Variants in MBD5 observed in about 807,000 individuals in gnomAD.
MBD5 encodes the protein methyl-CpG-binding domain protein 5.
MBD5 carries 13 observed loss-of-function variants against 117.3 expected under a neutral mutation model. The observed-to-expected ratio is 0.11, with a 90% CI of 0.07 to 0.18. MBD5 has a LOEUF of 0.18. MBD5 is among the 10% of genes least tolerant of loss of function. MBD5 has a pLI of 1.00. For synonymous variants in MBD5, 727 were observed against 766.4 expected, an observed-to-expected ratio of 0.95 and a Z score of 0.85; for missense variants, 1,879 against 2,093.8, an observed-to-expected ratio of 0.90 and a Z score of 2.00.
chr2:148,196,255 C>T (rs1698985108), intron 2 of MBD5: 1 of 151,942 alleles, frequency 6.6e-6, no homozygotes, highest in Non-Finnish European at 1.5e-5. Flanking sequence ...TGTAATAGTT[C>T]CATTTCTCAT....
intron 3 of MBD5, among the ~76,000 whole-genome samples, chr2:148,304,250 T>C (rs1701839200): frequency 6.6e-6 from 1 of 152,160 alleles, no homozygotes; most frequent in Admixed American, 6.5e-5. Context: ...TCTAATTAAA[T>C]AGGTAATATT....
chr2:148,188,679 T>C (rs1429724653), intron 2 of MBD5, among the ~76,000 whole-genome samples: 1 of 38,364 alleles, frequency 2.6e-5, no homozygotes. Context: ...TGAGACCCTG[T>C]CTCAAAAAAA....
chr2:148,243,243 A>G (rs1700257145), intron 3 of MBD5, among the ~76,000 whole-genome samples: 1 of 152,046 alleles, frequency 6.6e-6, no homozygotes, highest in Non-Finnish European at 1.5e-5. Context: ...TCAGGACGTG[A>G]TTTCTTTTTT....
chr2:148,239,884 A>C (rs1334114539), intron 3 of MBD5, among the ~76,000 whole-genome samples: 21 of 152,140 alleles, frequency 1.4e-4, no homozygotes, highest in Non-Finnish European at 1.5e-5. Flanking sequence ...TTTTTGTAGA[A>C]ACGGGGTCTT....
At chr2:148,420,289 A>T (rs965770366) in intron 4 of MBD5, among the ~76,000 whole-genome samples, 5 of 152,086 alleles carry the variant, frequency 3.3e-5, no homozygotes, top group Non-Finnish European at 7.4e-5. Flanking sequence ...ACTTCATGTA[A>T]ATCTTTATTA....
At chr2:148,071,415 A>G (rs1186996924) in intron 1 of MBD5, 1 of 152,002 alleles carries the variant, frequency 6.6e-6, no homozygotes, top group East Asian at 1.9e-4. Flanking sequence ...AAGTCACTTT[A>G]TATTCTCATT....
chr2:148,410,172 C>CTACT (rs1464250904), intron 4 of MBD5, among the ~76,000 whole-genome samples: 1 of 152,156 alleles, frequency 6.6e-6, no homozygotes, highest in African/African-American at 2.4e-5. Flanking sequence ...GTTTATAACA[C>CTACT]TACTTTTCCA....
At chr2:148,116,859 A>G (rs1696652405) in intron 1 of MBD5, among the ~76,000 whole-genome samples, 1 of 152,198 alleles carries the variant, frequency 6.6e-6, no homozygotes. Context: ...GCCCTTCTGC[A>G]GCACATAGGT....
chr2:148,064,350 C>T lies in MBD5; in HGVS notation c.-925+42666C>T, dbSNP rs554965721. Among the ~76,000 whole-genome samples, 4 of 151,970 alleles carry T rather than the reference C, an allele frequency of 2.6e-5. No individual in the cohort carries two copies. The East Asian group carries it at 7.8e-4, about 30-fold the overall frequency. On this transcript the variant is annotated intron_variant, in intron 1 of 13. Transcript: ENST00000642680. ...CAGGATGGTCTCGATCTCCTGACCT[C>T]GTGATCCCCTCGCCTCGGCCTCCCA...
rs564624970 is a variant in MBD5, at chr2:148,416,603, G to C, written c.-556-41600G>C. Among the ~76,000 whole-genome samples the C allele has an allele frequency of 4.6e-5, 7 of 152,130 alleles. No individual in the cohort carries two copies. In the South Asian group the frequency reaches 1.5e-3, roughly 32 times the overall value. On this transcript the variant is annotated intron_variant, in intron 4 of 13. Transcript: ENST00000642680. Reference sequence around the variant, plus strand: ...TTTTGTATTAGGACATTTGCTTTTCGGTTTTTTATATATTTAATTTTTTTT... The same window carrying C: ...TTTTGTATTAGGACATTTGCTTTTCCGTTTTTTATATATTTAATTTTTTTT...
intron 1 of MBD5, among the ~76,000 whole-genome samples, chr2:148,047,433 A>G (rs977159460): frequency 6.6e-6 from 1 of 152,210 alleles, no homozygotes; most frequent in Non-Finnish European, 1.5e-5. Context: ...ATCATGGGCA[A>G]TGGCAATTCT....
intron 1 of MBD5, among the ~76,000 whole-genome samples, chr2:148,156,865 A>C (rs1697889016): frequency 6.6e-6 from 1 of 152,194 alleles, no homozygotes; most frequent in African/African-American, 2.4e-5. Context: ...ATGATAGCCA[A>C]CCTTATTATA....
chr2:148,464,345 CTTT>C (rs1466027046), intron 7 of MBD5, among the ~76,000 whole-genome samples: 1 of 151,996 alleles, frequency 6.6e-6, no homozygotes, highest in Non-Finnish European at 1.5e-5. Flanking sequence ...TTGCTGAAAA[CTTT>C]TTATATCTCC....
intron 4 of MBD5, among the ~76,000 whole-genome samples, chr2:148,453,320 G>A (rs1706783440): frequency 6.6e-6 from 1 of 152,006 alleles, no homozygotes; most frequent in African/African-American, 2.4e-5. Context: ...TCCACCAAAA[G>A]CCATTTCCAG....
chr2:148,089,664 T>C (rs1457311557), intron 1 of MBD5, among the ~76,000 whole-genome samples: 3 of 152,016 alleles, frequency 2.0e-5, no homozygotes, highest in Non-Finnish European at 4.4e-5. Context: ...TGACACAACT[T>C]ATCAAAACCT....
chr2:148,445,237 T>C (rs1224436896), intron 4 of MBD5, among the ~76,000 whole-genome samples: 4 of 151,208 alleles, frequency 2.6e-5, no homozygotes, highest in Non-Finnish European at 5.9e-5. Flanking sequence ...GCTGCACCCA[T>C]TAACTCGTCA....
intron 4 of MBD5, among the ~76,000 whole-genome samples, chr2:148,402,037 T>A (rs1704939903): frequency 6.6e-6 from 1 of 152,142 alleles, no homozygotes; most frequent in Admixed American, 6.5e-5. Flanking sequence ...TGCTTTATAG[T>A]AGGGTCACAT....
chr2:148,218,002 T>A (rs959206160), intron 2 of MBD5, among the ~76,000 whole-genome samples: 6 of 152,220 alleles, frequency 3.9e-5, no homozygotes, highest in African/African-American at 1.4e-4. Flanking sequence ...TGTCCATTGA[T>A]GTGTATATAG....
chr2:148,057,767 G>T (rs1399590326), intron 1 of MBD5, among the ~76,000 whole-genome samples: 3 of 151,798 alleles, frequency 2.0e-5, no homozygotes, highest in African/African-American at 7.2e-5. Flanking sequence ...CTTTGAATCT[G>T]AGATCTTAAA....
Sources: allele counts gnomAD v4.1 joint callset (sites outside exome capture counted in the v4.1 genomes callset), GRCh38; gene constraint gnomAD v4.1.1; transcripts MANE v1.5; gene names NCBI Gene and HGNC (gene_info 2026-07-23, HGNC 2026-07-21).